The following SLCO1B1 variants were observed in gnomAD, a reference collection of about 807,000 sequenced individuals.
SLCO1B1 encodes the protein solute carrier organic anion transporter family member 1B1.
Under a neutral mutation model 70.1 loss-of-function variants are expected in SLCO1B1, and 81 were observed. That is an observed-to-expected ratio of 1.16 (90% CI 0.97 to 1.39). SLCO1B1 has a LOEUF of 1.39. Ranked by LOEUF, SLCO1B1 falls within the 40% of genes most tolerant of loss-of-function variation. SLCO1B1 has a pLI of 0.00. For missense variants in SLCO1B1, 895 were observed against 799.6 expected (o/e 1.12, Z -1.44); for synonymous variants, 283 against 271.5 (o/e 1.04, Z -0.42).
At chr12:21,193,073 A>G (rs1941048620) in intron 7 of SLCO1B1, among the ~76,000 whole-genome samples, 2 of 152,074 alleles carry the variant, frequency 1.3e-5, no homozygotes, top group African/African-American at 4.8e-5. Flanking sequence ...AATTGGTATG[A>G]TTTTAATTTT....
chr12:21,134,344 T>G (rs889431625), intron 1 of SLCO1B1, among the ~76,000 whole-genome samples: 1 of 152,240 alleles, frequency 6.6e-6, no homozygotes, highest in East Asian at 1.9e-4. Flanking sequence ...GATGCTGGCC[T>G]CATAAAATGA....
intron 11 of SLCO1B1, among the ~76,000 whole-genome samples, chr12:21,211,490 A>G (rs1057081853): frequency 6.6e-6 from 1 of 152,238 alleles, no homozygotes; most frequent in African/African-American, 2.4e-5. Context: ...TTTTTGCATC[A>G]ATGTTCATCA....
chr12:21,131,322 T>C (rs1168921608), intron 1 of SLCO1B1, 86 bp downstream of exon 1: 1 of 152,056 alleles, frequency 6.6e-6, no homozygotes, highest in Admixed American at 6.6e-5. Flanking sequence ...TCTTGAAAAA[T>C]ATTACGAATT....
rs78614326 is a variant in SLCO1B1 at position 21,166,705 on chromosome 12, G to A, written c.85-5945G>A. 2.0e-3 allele frequency among the ~76,000 whole-genome samples: 297 copies of A among 152,278 alleles called. 6 individuals carry two copies. The East Asian group carries it at 0.044, about 23-fold the overall frequency. On this transcript the variant is annotated intron_variant, in intron 2 of 14. Transcript: ENST00000256958. ...GCCAGTGAGAATGCAAAATAGTGCA[G>A]CCACTTTGGAAAATATTCTAATAGT... is the stretch of plus-strand genomic sequence containing the variant.
chr12:21,209,280 T>G (rs149277824), intron 11 of SLCO1B1, among the ~76,000 whole-genome samples: 3,021 of 151,360 alleles, frequency 0.02, 61 homozygotes, highest in Middle Eastern at 0.054. Context: ...CATTGTTCAA[T>G]TCCCACCTAT....
rs1213534829 is a variant in SLCO1B1, at chr12:21,164,944, G to A, written c.85-7706G>A. ...TGAAGATTATAATTTTCAGTGCATT[G>A]ATTATGTCTTATTTGTTTTTACTGC... On this transcript the variant is annotated intron_variant, in intron 2 of 14. Transcript: ENST00000256958. 16 of 410,652 alleles carry A rather than the reference G, an allele frequency of 3.9e-5. No individual in the cohort carries two copies. The East Asian group carries it at 4.5e-4, about 12-fold the overall frequency. The allele number at this position is 410,652 out of a possible 1,614,324, so 25.4% of individuals were successfully genotyped here. A position where few individuals can be genotyped will look rare whatever the true frequency, so the allele number is the denominator to read the frequency against.
Position 21,196,865 on chromosome 12 carries a change from A to G in SLCO1B1, c.728-81A>G, listed in dbSNP as rs370922939. On this transcript the variant is annotated intron_variant, in intron 7 of 14. Coordinates refer to ENST00000256958, the MANE Select transcript of SLCO1B1 (RefSeq NM_006446.5). The stretch of plus-strand genomic sequence containing the variant: ...TCTTGGAATTGAGGAAATGTAGTTT[A>G]CTTTCTTCATACCATTATTTCCCTG... 2,665 of 1,387,720 alleles carry G rather than the reference A, an allele frequency of 1.9e-3. 75 individuals are homozygous for G. The South Asian group carries it at 0.031, about 16-fold the overall frequency. The allele number at this position is 1,387,720 out of a possible 1,614,324, so 86.0% of individuals were successfully genotyped here.
chr12:21,135,609 G>T (rs1240045894), intron 1 of SLCO1B1, among the ~76,000 whole-genome samples: 2 of 152,014 alleles, frequency 1.3e-5, no homozygotes, highest in Non-Finnish European at 2.9e-5. Flanking sequence ...TGTCTCTTTT[G>T]ATCTTTGTTG....
chr12:21,190,181 T>C (rs1223623626), intron 7 of SLCO1B1, among the ~76,000 whole-genome samples: 1 of 152,200 alleles, frequency 6.6e-6, no homozygotes, highest in African/African-American at 2.4e-5. Context: ...TTTATCTAAA[T>C]AGGCTTGTCT....
chr12:21,235,008 T>C (rs1411001225), intron 14 of SLCO1B1, among the ~76,000 whole-genome samples: 1 of 152,088 alleles, frequency 6.6e-6, no homozygotes, highest in Non-Finnish European at 1.5e-5. Context: ...AAATGCATTT[T>C]CTCTGATTTT....
At chr12:21,229,511 C>A (rs923175707) in intron 14 of SLCO1B1, among the ~76,000 whole-genome samples, 5 of 152,170 alleles carry the variant, frequency 3.3e-5, no homozygotes, top group African/African-American at 1.2e-4. Flanking sequence ...TTAACTTAAT[C>A]ACATGCATTT....
chr12:21,193,212 A>G (rs1267222064), intron 7 of SLCO1B1, among the ~76,000 whole-genome samples: 1 of 152,082 alleles, frequency 6.6e-6, no homozygotes, highest in Non-Finnish European at 1.5e-5. Context: ...GTTACGTTCA[A>G]TTGGTCTATA....
chr12:21,237,948 C>T (rs1188422483), intron 14 of SLCO1B1, among the ~76,000 whole-genome samples: 2 of 151,996 alleles, frequency 1.3e-5, no homozygotes, highest in Non-Finnish European at 2.9e-5. Context: ...CTCCTGACCT[C>T]GTGATCTGCC....
Position 21,206,051 on chromosome 12 carries a change from C to G in SLCO1B1, c.1497+18C>G. On this transcript the variant is annotated intron_variant, in intron 11 of 14. Transcript: ENST00000256958. ...AGCCTATAGTGAGTATTAGTTTTTA[C>G]TTTCCTCTCCTTATTCAAAAGCACA... is the stretch of plus-strand genomic sequence containing the variant. 1.3e-6 allele frequency: 2 copies of G among 1,597,722 alleles called. No individual in the cohort carries two copies. The highest frequency in any genetic ancestry group is 1.3e-5 in the African/African-American group (1 of 74,594).
At chr12:21,183,050 CTGT>C (rs1436805782) in intron 7 of SLCO1B1, among the ~76,000 whole-genome samples, 1 of 152,204 alleles carries the variant, frequency 6.6e-6, no homozygotes, top group Non-Finnish European at 1.5e-5. Flanking sequence ...AGGCACAGGC[CTGT>C]TAAGGGGGTC....
intron 2 of SLCO1B1, among the ~76,000 whole-genome samples, chr12:21,160,389 T>C (rs1185018391): frequency 1.3e-5 from 2 of 152,008 alleles, no homozygotes; most frequent in Admixed American, 6.6e-5. Context: ...AAAAACCCTG[T>C]TCAATAAGTG....
At chr12:21,188,385 T>G (rs575237658) in intron 7 of SLCO1B1, among the ~76,000 whole-genome samples, 41 of 152,270 alleles carry the variant, frequency 2.7e-4, no homozygotes, top group African/African-American at 9.6e-4. Context: ...TTTATAACAT[T>G]TTTTCTCTAG....
At chr12:21,144,700 G>A (rs553467188) in intron 2 of SLCO1B1, among the ~76,000 whole-genome samples, 61 of 152,276 alleles carry the variant, frequency 4.0e-4, no homozygotes, top group African/African-American at 1.3e-3. Context: ...AGCCCCATCA[G>A]TCTAACAATA....
chr12:21,152,410 A>T (rs1048238383), intron 2 of SLCO1B1, among the ~76,000 whole-genome samples: 2 of 148,576 alleles, frequency 1.3e-5, no homozygotes, highest in African/African-American at 2.5e-5. Context: ...AATTATATAT[A>T]TTTTTTTTCT....
Sources: allele counts gnomAD v4.1 joint callset (sites outside exome capture counted in the v4.1 genomes callset), GRCh38; gene constraint gnomAD v4.1.1; transcripts MANE v1.5; gene names NCBI Gene and HGNC (gene_info 2026-07-23, HGNC 2026-07-21).